The following CSMD1 variants were observed in gnomAD, a reference collection of about 807,000 sequenced individuals.
The protein encoded by CSMD1 is CUB and Sushi multiple domains 1.
Under a neutral mutation model 417.5 loss-of-function variants are expected in CSMD1, and 213 were observed. The observed-to-expected ratio is 0.51, with a 90% CI of 0.46 to 0.57. The LOEUF is 0.57. Among genes scored for constraint, CSMD1 ranks in the 20% least tolerant of loss-of-function variants. The pLI is 0.00. For synonymous variants in CSMD1, 2,862 were observed against 1,736.8 expected (o/e 1.65, Z -16.11); for missense variants, 6,923 against 4,529.7 (o/e 1.53, Z -15.17).
At chr8:4,559,153 T>C (rs1039870620) in intron 2 of CSMD1, among the ~76,000 whole-genome samples, 1 of 152,166 alleles carries the variant, frequency 6.6e-6, no homozygotes. Context: ...GGAATCAAGA[T>C]CTGGTCTTTG....
intron 21 of CSMD1, among the ~76,000 whole-genome samples, chr8:3,352,424 A>G (rs1443444497): frequency 6.6e-6 from 1 of 152,242 alleles, no homozygotes; most frequent in Non-Finnish European, 1.5e-5. Context: ...TATCTTTGAA[A>G]GTTCAAATAA....
intron 3 of CSMD1, among the ~76,000 whole-genome samples, chr8:4,052,896 A>G (rs1414852589): frequency 6.6e-6 from 1 of 152,148 alleles, no homozygotes; most frequent in East Asian, 1.9e-4. Flanking sequence ...ATAGACCACA[A>G]TGCCAGACGT....
intron 12 of CSMD1, among the ~76,000 whole-genome samples, chr8:3,442,586 T>C (rs751599527): frequency 1.3e-5 from 2 of 152,182 alleles, no homozygotes; most frequent in Non-Finnish European, 2.9e-5. Flanking sequence ...GGCTGTACCA[T>C]ATATCCCAGG....
chr8:3,982,019 A>G (rs1030541600), intron 5 of CSMD1, among the ~76,000 whole-genome samples: 3 of 151,930 alleles, frequency 2.0e-5, no homozygotes, highest in African/African-American at 7.3e-5. Flanking sequence ...AAAATACAAA[A>G]AATTAGCCTG....
chr8:4,727,541 G>A (rs1174915257), intron 1 of CSMD1, among the ~76,000 whole-genome samples: 1 of 152,100 alleles, frequency 6.6e-6, no homozygotes, highest in South Asian at 2.1e-4. Context: ...GTTTTGCAAA[G>A]AAAAATGGTG....
chr8:3,720,620 T>TTCTCTCACACACAC (rs72331833), intron 6 of CSMD1, among the ~76,000 whole-genome samples: 4,118 of 143,370 alleles, frequency 0.029, 98 homozygotes, highest in Non-Finnish European at 0.041. Flanking sequence ...TCTTTATTCT[T>TTCTCTCACACACAC]ACACACACAC....
chr8:4,521,824 G>A (rs1803469177), intron 2 of CSMD1, among the ~76,000 whole-genome samples: 1 of 152,148 alleles, frequency 6.6e-6, no homozygotes, highest in Non-Finnish European at 1.5e-5. Flanking sequence ...CTACTGTATG[G>A]TTACTCAAGC....
intron 1 of CSMD1, among the ~76,000 whole-genome samples, chr8:4,745,132 T>A (rs1387281179): frequency 1.3e-5 from 2 of 152,166 alleles, no homozygotes; most frequent in Non-Finnish European, 2.9e-5. Context: ...TTAAATCAAA[T>A]TCATACTTTT....
intron 2 of CSMD1, among the ~76,000 whole-genome samples, chr8:4,618,548 C>G (rs889934554): frequency 6.6e-6 from 1 of 151,688 alleles, no homozygotes; most frequent in Non-Finnish European, 1.5e-5. Flanking sequence ...TTTCTTGATT[C>G]TTCTTATCGC....
At position 4,457,980 on chromosome 8, in the gene CSMD1, T is replaced by G. The variant is rs1585110374; in HGVS notation, c.303-37915A>C. Among the ~76,000 whole-genome samples, 2 of 152,324 alleles carry G rather than the reference T, an allele frequency of 1.3e-5. 1 individual carries two copies. The highest frequency in any genetic ancestry group is 2.9e-5 in the Non-Finnish European group (2 of 68,028). On this transcript the variant is annotated intron_variant, in intron 2 of 69. Coordinates refer to ENST00000635120, the MANE Select transcript of CSMD1 (RefSeq NM_033225.6). Reference sequence around the variant, plus strand: ...AACCCAGATGTACTTCTTTGGTTGGTGGCACTTCCCCTGAGAGGTAGTGAC... The same window carrying G: ...AACCCAGATGTACTTCTTTGGTTGGGGGCACTTCCCCTGAGAGGTAGTGAC...
At position 4,927,349 on chromosome 8, in the gene CSMD1, C is replaced by T. The variant is rs191623388; in HGVS notation, c.85+66983G>A. ...GTAGGATTACAGGTATGAGCCACCA[C>T]GCCCGGCCAAATGCATTATTTAATC... On this transcript the variant is annotated intron_variant, in intron 1 of 69. Coordinates refer to ENST00000635120, the MANE Select transcript of CSMD1 (RefSeq NM_033225.6). Among the ~76,000 whole-genome samples the T allele has an allele frequency of 2.1e-3, 312 of 152,160 alleles. 1 individual carries two copies. Among genetic ancestry groups the T allele is most frequent in the African/African-American group, 7.1e-3 (294 of 41,516 alleles).
chr8:3,408,856 T>C (rs1585119676), intron 13 of CSMD1, among the ~76,000 whole-genome samples: 1 of 152,168 alleles, frequency 6.6e-6, no homozygotes, highest in East Asian at 1.9e-4. Context: ...GAATACATTT[T>C]TGCTTCTTAT....
chr8:3,050,819 T>C (rs1811771904), intron 50 of CSMD1, among the ~76,000 whole-genome samples: 1 of 152,244 alleles, frequency 6.6e-6, no homozygotes, highest in Non-Finnish European at 1.5e-5. Context: ...TAGTTTAAAA[T>C]TTTTAACATG....
chr8:4,105,345 TTTATG>T (rs1801514428), intron 3 of CSMD1, among the ~76,000 whole-genome samples: 2 of 152,202 alleles, frequency 1.3e-5, no homozygotes, highest in South Asian at 2.1e-4. Flanking sequence ...GAATTTTTTT[TTTATG>T]TTTATATGTG....
intron 68 of CSMD1, among the ~76,000 whole-genome samples, chr8:2,945,474 A>G (rs1179024189): frequency 6.6e-6 from 1 of 151,786 alleles, no homozygotes; most frequent in Non-Finnish European, 1.5e-5. Context: ...TTGCAATGAA[A>G]TCTTTTGCCT....
At chr8:4,714,586 T>A (rs527567200) in intron 1 of CSMD1, among the ~76,000 whole-genome samples, 1 of 152,320 alleles carries the variant, frequency 6.6e-6, no homozygotes, top group African/African-American at 2.4e-5. Context: ...ATAGGGTTAT[T>A]GAATAACACA....
chr8:4,817,346 A>G (rs1410634400), intron 1 of CSMD1, among the ~76,000 whole-genome samples: 1 of 152,220 alleles, frequency 6.6e-6, no homozygotes, highest in East Asian at 1.9e-4. Flanking sequence ...TTAATATGCT[A>G]AGATAAAACA....
At chr8:3,273,864 CT>C (rs1802066309) in intron 26 of CSMD1, among the ~76,000 whole-genome samples, 1 of 152,044 alleles carries the variant, frequency 6.6e-6, no homozygotes, top group Non-Finnish European at 1.5e-5. Context: ...TTTGTGGATC[CT>C]TTCAAAAAAC....
chr8:3,002,588 AGCTCCTCTCATTT>A (rs1187756198), intron 52 of CSMD1, among the ~76,000 whole-genome samples: 1 of 152,184 alleles, frequency 6.6e-6, no homozygotes, highest in Non-Finnish European at 1.5e-5. Flanking sequence ...ATTTTAACAG[AGCTCCTCTCATTT>A]TAGGGAATCT....
Sources: gnomAD v4.1 joint callset for allele counts (sites outside exome capture counted in the v4.1 genomes callset) on GRCh38, gnomAD v4.1.1 for gene constraint, MANE v1.5 for transcripts, NCBI Gene and HGNC (gene_info 2026-07-23, HGNC 2026-07-21) for gene names.